Variants in FBXO47 observed in about 807,000 individuals in gnomAD.
FBXO47 encodes F-box protein 47.
Under a neutral mutation model 53.9 loss-of-function variants are expected in FBXO47, and 34 were observed. The ratio of observed to expected loss-of-function variants is 0.63; its 90% CI spans 0.48 to 0.84. FBXO47 has a LOEUF of 0.84. Among genes scored for constraint, FBXO47 ranks in the 40% least tolerant of loss-of-function variants. The pLI is 0.00. For synonymous variants in FBXO47, 165 were observed against 181.6 expected (o/e 0.91, Z 0.73); for missense variants, 485 against 541.3 (o/e 0.90, Z 1.03).
intron 3 of FBXO47, among the ~76,000 whole-genome samples, chr17:38,961,127 A>G (rs1293384722): frequency 1.3e-5 from 2 of 152,170 alleles, no homozygotes; most frequent in Non-Finnish European, 2.9e-5. Flanking sequence ...ACATATTCCT[A>G]ATATCTTAAA....
chr17:38,943,709 T>C lies in FBXO47; in HGVS notation c.821A>G (p.Glu274Gly), dbSNP rs753577081. 6.2e-7 allele frequency: 1 copy of C among 1,608,510 alleles called. No homozygotes were observed. Among genetic ancestry groups the C allele is most frequent in the Non-Finnish European group, 8.5e-7 (1 of 1,178,470 alleles). ...CAGACTGAATTCATCTGTAGGTTCT[T>C]CTATCATTTCCTGCCAAACCACCTG... Reference protein sequence around the residue: ...DGQVVWQEMIEEPTDEFSLKG... With the variant: ...DGQVVWQEMIGEPTDEFSLKG... The change falls in exon 8 of 11, where the codon GAA (glutamate) becomes GGA (glycine). Residue 274 changes from glutamate (E) to glycine (G), a missense_variant. Transcript: ENST00000378079.
chr17:38,958,154 A>T (rs1238190998), intron 3 of FBXO47, among the ~76,000 whole-genome samples: 1 of 151,836 alleles, frequency 6.6e-6, no homozygotes, highest in Non-Finnish European at 1.5e-5. Flanking sequence ...TTTAAAAAAC[A>T]TTTTTTTTGT....
At chr17:38,953,624 C>CAAAAAAAAAAAAAAAAAAAA (rs1238210761) in intron 5 of FBXO47, among the ~76,000 whole-genome samples, 2 of 151,756 alleles carry the variant, frequency 1.3e-5, no homozygotes, top group Admixed American at 6.6e-5. Flanking sequence ...GACTCTGCCT[C>CAAAAAAAAAAAAAAAAAAAA]AAAAATAAAT....
chr17:38,964,746 T>G (rs1330736015), intron 1 of FBXO47, among the ~76,000 whole-genome samples: 1 of 152,196 alleles, frequency 6.6e-6, no homozygotes, highest in Non-Finnish European at 1.5e-5. Context: ...CGCATCTTGA[T>G]TTCAAAGACA....
At chr17:38,962,258 T>A (rs1420086450) in intron 2 of FBXO47, among the ~76,000 whole-genome samples, 5 of 152,200 alleles carry the variant, frequency 3.3e-5, no homozygotes, top group Non-Finnish European at 1.5e-5. Context: ...CAAGGTACTA[T>A]ATCATAATTA....
At chr17:38,946,353 TATATATAA>T (rs1904829390) in intron 6 of FBXO47, among the ~76,000 whole-genome samples, 3 of 85,948 alleles carry the variant, frequency 3.5e-5, no homozygotes, top group Non-Finnish European at 5.6e-5. Context: ...AATATATAAA[TATATATAA>T]ATATATAGAT....
At chr17:38,955,664 A>C (rs932351503) in intron 4 of FBXO47, among the ~76,000 whole-genome samples, 2 of 151,092 alleles carry the variant, frequency 1.3e-5, no homozygotes, top group Non-Finnish European at 2.9e-5. Context: ...CTTGTATAAA[A>C]CCTTTTGCCG....
intron 6 of FBXO47, 34 bp from the exon 7 acceptor site, chr17:38,945,170 G>C: frequency 6.7e-7 from 1 of 1,502,882 alleles, no homozygotes; most frequent in Non-Finnish European, 9.3e-7. Flanking sequence ...ATCATTCTTC[G>C]TAGAAAGGCT....
chr17:38,944,848 A>ATGCGTGTGTGTGTGTGTGTGTGTGTGTG (rs150367922), intron 7 of FBXO47, 112 bp downstream of exon 7: 4 of 616,812 alleles, frequency 6.5e-6, no homozygotes, highest in Non-Finnish European at 5.4e-6. Context: ...GCGTGCATGC[A>ATGCGTGTGTGTGTGTGTGTGTGTGTGTG]TGTGTGTGTG....
At chr17:38,944,292 A>G (rs1346242946) in intron 7 of FBXO47, among the ~76,000 whole-genome samples, 1 of 149,148 alleles carries the variant, frequency 6.7e-6, no homozygotes, top group Non-Finnish European at 1.5e-5. Flanking sequence ...TGGGGAGGCC[A>G]AGGTGGGAGG....
chr17:38,946,231 T>C (rs1241843024), intron 6 of FBXO47, among the ~76,000 whole-genome samples: 1 of 109,496 alleles, frequency 9.1e-6, no homozygotes, highest in Non-Finnish European at 1.6e-5. Context: ...TATATAAATA[T>C]ATACAAATAT....
At chr17:38,950,896 A>T (rs1905243862) in intron 6 of FBXO47, among the ~76,000 whole-genome samples, 1 of 151,808 alleles carries the variant, frequency 6.6e-6, no homozygotes, top group Non-Finnish European at 1.5e-5. Flanking sequence ...GATGTGTGCC[A>T]CAATTTATTT....
Position 38,944,940 on chromosome 17 carries a change from C to T in FBXO47, c.793+20G>A, listed in dbSNP as rs1298076869. 1 of 1,593,504 alleles carries T rather than the reference C, an allele frequency of 6.3e-7. No individual in the cohort carries two copies. ...AATAATGAACCAGTTATGTTACAAC[C>T]CTGAAAGATGGGTGCTCACCATCTT... On this transcript the variant is annotated intron_variant, in intron 7 of 10. Transcript: ENST00000378079.
At chr17:38,941,870 G>A (rs1372820545) in intron 9 of FBXO47, among the ~76,000 whole-genome samples, 6 of 151,114 alleles carry the variant, frequency 4.0e-5, no homozygotes, top group Non-Finnish European at 8.8e-5. Context: ...GACGGGTTTC[G>A]CCATGTTGAC....
chr17:38,939,659 T>TC (rs1273611754), intron 9 of FBXO47, among the ~76,000 whole-genome samples: 1 of 95,604 alleles, frequency 1.0e-5, no homozygotes. Context: ...TTTCTTTTTT[T>TC]TTTTTTTTTT....
chr17:38,938,724 C>A lies in FBXO47; in HGVS notation c.1092G>T (p.Glu364Asp). 1 of 1,584,828 alleles carries A rather than the reference C, an allele frequency of 6.3e-7. No homozygotes were observed. The highest frequency in any genetic ancestry group is 1.1e-5 in the South Asian group (1 of 88,760). Residue 364 changes from glutamate (E) to aspartate (D), a missense_variant, in exon 10 of 11, where the codon GAG becomes GAT. Transcript: ENST00000378079. ...TCCAATCCATGCAGTACAGTTCTTT[C>A]TCACACACCTGATTTAGACATATAA... is the stretch of plus-strand genomic sequence containing the variant. ...RLVVFLALVC[E>D]KELYCMDWTV... is the part of the protein sequence containing the mutation.
rs559588754 is a variant in FBXO47, at chr17:38,959,658, A to G, written c.352+2219T>C. On this transcript the variant is annotated intron_variant, in intron 3 of 10. Transcript: ENST00000378079. Reference sequence around the variant, plus strand: ...TGTGTGTGTGTGTGTGTGTGTGTGTATGAATATGAGACAGGGTCTCACTCT... The same window carrying G: ...TGTGTGTGTGTGTGTGTGTGTGTGTGTGAATATGAGACAGGGTCTCACTCT... Among the ~76,000 whole-genome samples, 438 of 121,820 alleles carry G rather than the reference A, an allele frequency of 3.6e-3. 4 individuals carry two copies. The highest frequency in any genetic ancestry group is 0.014 in the African/African-American group (401 of 29,312). 79.9% of individuals were successfully genotyped at this position (121,820 alleles called of 152,430 possible). A position where few individuals can be genotyped will look rare whatever the true frequency, so the allele number is the denominator to read the frequency against.
chr17:38,952,815 C>CTTTT (rs139105548), intron 5 of FBXO47, among the ~76,000 whole-genome samples: 14 of 115,352 alleles, frequency 1.2e-4, no homozygotes, highest in African/African-American at 3.8e-4. Context: ...TTATTTATGA[C>CTTTT]TTTTTTTTTT....
chr17:38,957,375 T>C (rs540265266), intron 3 of FBXO47, 122 bp from the exon 4 acceptor site: 1 of 634,692 alleles, frequency 1.6e-6, no homozygotes, highest in South Asian at 2.4e-5. Context: ...TGAGTTGATA[T>C]GATTTCTAAG....
Sources: gnomAD v4.1 joint callset for allele counts (sites outside exome capture counted in the v4.1 genomes callset) on GRCh38, gnomAD v4.1.1 for gene constraint, MANE v1.5 for transcripts, NCBI Gene and HGNC (gene_info 2026-07-23, HGNC 2026-07-21) for gene names.